Variants in IFT56 observed in about 807,000 individuals in gnomAD.
IFT56 encodes the protein intraflagellar transport 56.
At chr7:139,151,261 A>C in the IFT56 span, among the ~76,000 whole-genome samples, 1 of 152,232 alleles carries the variant, frequency 6.6e-6, no homozygotes, top group Admixed American at 6.5e-5. Flanking sequence ...CAGGGAGATC[A>C]GGAGTGAGTG....
At chr7:139,136,598 G>A in the IFT56 span, among the ~76,000 whole-genome samples, 26 of 152,064 alleles carry the variant, frequency 1.7e-4, no homozygotes, top group South Asian at 3.1e-3. Context: ...CTACAGGCAC[G>A]TGCCACTATA....
chr7:139,187,291 T>C, the IFT56 span: 1 of 1,237,684 alleles, frequency 8.1e-7, no homozygotes, highest in East Asian at 2.4e-5. Context: ...CTGAAAATGT[T>C]GTCAGCACCC....
At chr7:139,152,289 G>T in the IFT56 span, among the ~76,000 whole-genome samples, 1 of 152,180 alleles carries the variant, frequency 6.6e-6, no homozygotes, top group Non-Finnish European at 1.5e-5. Context: ...ACTGTGCCTG[G>T]CTAATTTTAA....
chr7:139,158,830 C>T, the IFT56 span, among the ~76,000 whole-genome samples: 1 of 152,082 alleles, frequency 6.6e-6, no homozygotes, highest in Admixed American at 6.6e-5. Flanking sequence ...GGGAGGATCA[C>T]TTGAGCCTGG....
At chr7:139,182,153 C>A in the IFT56 span, among the ~76,000 whole-genome samples, 1 of 151,732 alleles carries the variant, frequency 6.6e-6, no homozygotes, top group African/African-American at 2.4e-5. Context: ...GGGGACCTAG[C>A]CTCAAAAAAA....
chr7:139,179,081 T>C, the IFT56 span, among the ~76,000 whole-genome samples: 5 of 152,214 alleles, frequency 3.3e-5, no homozygotes, highest in Non-Finnish European at 5.9e-5. Flanking sequence ...ATTTTTGTGG[T>C]CATAGAATGT....
At chr7:139,161,104 G>T in the IFT56 span, 1 of 1,274,376 alleles carries the variant, frequency 7.8e-7, no homozygotes, top group East Asian at 2.4e-5. Flanking sequence ...ATTAATAAAA[G>T]GAGATGCGCC....
the IFT56 span, among the ~76,000 whole-genome samples, chr7:139,153,480 A>G: frequency 2.0e-5 from 3 of 151,740 alleles, no homozygotes; most frequent in Non-Finnish European, 4.4e-5. Flanking sequence ...TTCAGCTATC[A>G]ACCCCTATTG....
At chr7:139,181,659 C>T in the IFT56 span, among the ~76,000 whole-genome samples, 469 of 152,250 alleles carry the variant, frequency 3.1e-3, 7 homozygotes, top group East Asian at 8.7e-3. Context: ...CTTACACAAA[C>T]CTAGATGGTA....
the IFT56 span, among the ~76,000 whole-genome samples, chr7:139,149,455 CCT>C: frequency 6.6e-6 from 1 of 151,882 alleles, no homozygotes; most frequent in South Asian, 2.1e-4. Context: ...GAGTTTCTCA[CCT>C]CTTATTTTGG....
chr7:139,177,593 G>A, the IFT56 span, among the ~76,000 whole-genome samples: 32 of 142,946 alleles, frequency 2.2e-4, no homozygotes, highest in African/African-American at 8.0e-4. Context: ...ATATCTGATC[G>A]GATATACATA....
chr7:139,178,187 G>C, the IFT56 span: 1 of 1,539,060 alleles, frequency 6.5e-7, no homozygotes, highest in African/African-American at 1.4e-5. Flanking sequence ...ATGAATATAT[G>C]TGGGGTTTTT....
the IFT56 span, chr7:139,179,527 T>C: frequency 2.6e-6 from 4 of 1,538,360 alleles, no homozygotes; most frequent in Non-Finnish European, 2.7e-6. Context: ...GTATTTTTAT[T>C]GCAAAAGCAT....
the IFT56 span, among the ~76,000 whole-genome samples, chr7:139,175,917 C>G: frequency 6.6e-6 from 1 of 152,184 alleles, no homozygotes; most frequent in Non-Finnish European, 1.5e-5. Flanking sequence ...GCAACCTCCG[C>G]CTCCCGGGTT....
the IFT56 span, among the ~76,000 whole-genome samples, chr7:139,156,686 T>C: frequency 6.6e-6 from 1 of 152,202 alleles, no homozygotes; most frequent in Non-Finnish European, 1.5e-5. Context: ...TTTTATTTTT[T>C]TTTCCATGAG....
chr7:139,181,219 AG>A, the IFT56 span: 4 of 1,542,538 alleles, frequency 2.6e-6, no homozygotes, highest in Admixed American at 5.3e-5. Context: ...CTGAGACTAA[AG>A]GGAACATTAA....
chr7:139,153,823 A>G, the IFT56 span, among the ~76,000 whole-genome samples: 1 of 152,084 alleles, frequency 6.6e-6, no homozygotes, highest in Non-Finnish European at 1.5e-5. Flanking sequence ...TTTTGTTTGT[A>G]TGTATGTTTT....
chr7:139,135,003 G>A, the IFT56 span, among the ~76,000 whole-genome samples: 1 of 152,156 alleles, frequency 6.6e-6, no homozygotes, highest in South Asian at 2.1e-4. Flanking sequence ...AAACTTGGCC[G>A]GGCGCGGTGG....
At chr7:139,153,705 T>C in the IFT56 span, among the ~76,000 whole-genome samples, 1 of 152,244 alleles carries the variant, frequency 6.6e-6, no homozygotes, top group African/African-American at 2.4e-5. Flanking sequence ...TTTATGAATA[T>C]ACCTCTTTTA....
Sources: gnomAD v4.1 joint callset for allele counts (sites outside exome capture counted in the v4.1 genomes callset) on GRCh38, gnomAD v4.1.1 for gene constraint, MANE v1.5 for transcripts, NCBI Gene and HGNC (gene_info 2026-07-23, HGNC 2026-07-21) for gene names.